Variants in USH2A observed in about 807,000 individuals in gnomAD.
The protein encoded by USH2A is Usher syndrome 2A (autosomal recessive, mild).
USH2A carries 443 observed loss-of-function variants against 538.9 expected under a neutral mutation model. That is an observed-to-expected ratio of 0.82 (90% CI 0.76 to 0.89). USH2A has a LOEUF of 0.89. Among genes scored for constraint, USH2A ranks in the 40% least tolerant of loss-of-function variants. The probability of loss-of-function intolerance (pLI) is 0.00; values close to 1 mark genes in which losing one functional copy is unlikely to be tolerated. For synonymous variants in USH2A, 2,413 were observed against 2,273.5 expected, an observed-to-expected ratio of 1.06 and a Z score of -1.75; for missense variants, 6,633 against 6,324.8, an observed-to-expected ratio of 1.05 and a Z score of -1.65.
Position 216,083,553 on chromosome 1 carries a change from C to T in USH2A, c.5201G>A (p.Gly1734Asp). 4.3e-6 allele frequency: 7 copies of T among 1,612,324 alleles called. No homozygotes were observed. The highest frequency in any genetic ancestry group is 2.2e-5 in the South Asian group (2 of 90,978). The change falls in exon 26 of 72, where the codon GGT (glycine) becomes GAT (aspartate). Residue 1734 changes from glycine (G) to aspartate (D), a missense_variant. Physicochemically the swap from Gly to Asp is moderately conservative, Grantham distance 94. Transcript: ENST00000307340. ...FLELHPYMFH[G>D]GMNFEISFKF... is the part of the protein sequence containing the mutation. ...AAAGGAAATCTCAAAGTTCATTCCA[C>T]CATGAAACATATATGGATGAAGTTC... is the stretch of plus-strand genomic sequence containing the variant.
chr1:216,038,161 G>C (rs190672653), intron 32 of USH2A, among the ~76,000 whole-genome samples: 329 of 152,010 alleles, frequency 2.2e-3, no homozygotes, highest in Non-Finnish European at 2.0e-3. Flanking sequence ...CTTGTTCCTT[G>C]TCCTTTAAGG....
chr1:215,732,691 G>A (rs562177687), intron 60 of USH2A, among the ~76,000 whole-genome samples: 1 of 151,070 alleles, frequency 6.6e-6, no homozygotes, highest in South Asian at 2.1e-4. Context: ...ACAGGTGCCT[G>A]CCACCATGCC....
Position 216,000,047 on chromosome 1 carries a change from G to C in USH2A, c.6485+356C>G, listed in dbSNP as rs147693293. On this transcript the variant is annotated intron_variant, in intron 33 of 71. Transcript: ENST00000307340. ...CTGACATCAACTGCAGGTAATAAGGGAATAAGAAGGTCCTGGACTATACTC... is the reference window on the plus strand; with the variant it reads ...CTGACATCAACTGCAGGTAATAAGGCAATAAGAAGGTCCTGGACTATACTC... 2.0e-4 allele frequency among the ~76,000 whole-genome samples: 31 copies of C among 152,134 alleles called. No homozygotes were observed. In the East Asian group the frequency reaches 5.8e-3, roughly 28 times the overall value.
intron 4 of USH2A, among the ~76,000 whole-genome samples, chr1:216,360,243 A>G (rs568441383): frequency 1.2e-4 from 19 of 152,256 alleles, no homozygotes; most frequent in Admixed American, 1.2e-3. Flanking sequence ...GATATGAACC[A>G]CCAAGCCATG....
At chr1:215,987,793 C>T (rs569850551) in intron 35 of USH2A, among the ~76,000 whole-genome samples, 28 of 152,264 alleles carry the variant, frequency 1.8e-4, no homozygotes, top group Admixed American at 6.5e-4. Flanking sequence ...AATGAGGTCA[C>T]GTTCCACTGA....
At chr1:216,394,778 G>A (rs1469441079) in intron 3 of USH2A, among the ~76,000 whole-genome samples, 2 of 146,880 alleles carry the variant, frequency 1.4e-5, no homozygotes, top group African/African-American at 5.0e-5. Flanking sequence ...GAGTGCAGTG[G>A]CGCGATCTCC....
intron 60 of USH2A, among the ~76,000 whole-genome samples, chr1:215,734,661 C>T (rs1660103487): frequency 6.6e-6 from 1 of 152,168 alleles, no homozygotes; most frequent in Non-Finnish European, 1.5e-5. Context: ...TTGAATGCTG[C>T]TTTGTTGCTT....
At chr1:215,780,158 G>T in intron 54 of USH2A, 117 bp from the exon 55 acceptor site, 1 of 1,125,616 alleles carries the variant, frequency 8.9e-7, no homozygotes, top group Non-Finnish European at 1.3e-6. Context: ...ATTAGCAGGG[G>T]CTTGGAGAAG....
intron 58 of USH2A, among the ~76,000 whole-genome samples, chr1:215,749,818 T>G (rs1398039899): frequency 6.6e-6 from 1 of 152,234 alleles, no homozygotes; most frequent in Non-Finnish European, 1.5e-5. Flanking sequence ...ACACATTTTC[T>G]TGTTCACTAA....
At chr1:215,698,523 G>A (rs1018226469) in intron 61 of USH2A, among the ~76,000 whole-genome samples, 6 of 152,162 alleles carry the variant, frequency 3.9e-5, no homozygotes, top group Non-Finnish European at 7.3e-5. Flanking sequence ...ATTCCAAGTG[G>A]TGTGAGATGG....
intron 51 of USH2A, 64 bp downstream of exon 51, chr1:215,789,995 A>G: frequency 1.3e-6 from 2 of 1,485,186 alleles, no homozygotes; most frequent in South Asian, 1.1e-5. Flanking sequence ...AAAAATAGTT[A>G]TGAACAATGT....
intron 21 of USH2A, among the ~76,000 whole-genome samples, chr1:216,105,354 C>A (rs2032705116): frequency 7.6e-6 from 1 of 131,664 alleles, no homozygotes; most frequent in African/African-American, 2.5e-5. Flanking sequence ...AGGGGTCAAG[C>A]TTTATTGTTT....
chr1:215,928,855 A>G (rs972811307), intron 38 of USH2A, among the ~76,000 whole-genome samples: 5 of 152,120 alleles, frequency 3.3e-5, no homozygotes, highest in African/African-American at 1.2e-4. Context: ...TAAATTCTAA[A>G]CAGAATGGAA....
intron 13 of USH2A, among the ~76,000 whole-genome samples, chr1:216,235,339 T>C (rs1391815863): frequency 6.6e-6 from 1 of 152,208 alleles, no homozygotes; most frequent in Non-Finnish European, 1.5e-5. Context: ...CCATGAATGA[T>C]TTTGTACCAC....
intron 38 of USH2A, among the ~76,000 whole-genome samples, chr1:215,929,345 G>A (rs1159696398): frequency 6.6e-6 from 1 of 152,046 alleles, no homozygotes; most frequent in East Asian, 1.9e-4. Context: ...TCATGGAGGA[G>A]GATGCTGAAG....
chr1:215,741,604 A>G lies in USH2A; in HGVS notation c.11549-67T>C. ...AAGGAAAAGAACTACATATTCATAC[A>G]GAAGGGTAATGATATCATGAAAATT... On this transcript the variant is annotated intron_variant, in intron 59 of 71. Coordinates refer to ENST00000307340, the MANE Select transcript of USH2A (RefSeq NM_206933.4). The G allele has an allele frequency of 4.5e-6, 7 of 1,557,278 alleles. No individual in the cohort carries two copies. The South Asian group carries it at 6.9e-5, about 15-fold the overall frequency.
Position 215,833,411 on chromosome 1 carries a change from A to G in USH2A, c.9371+4580T>C, listed in dbSNP as rs201076400. On this transcript the variant is annotated intron_variant, in intron 47 of 71. Transcript: ENST00000307340. ...TGGCCTACAAAACGTGTTTAAATTG[A>G]TTTTTGACAAAAATCTAAAAATATT... is the stretch of plus-strand genomic sequence containing the variant. 2.0e-5 allele frequency among the ~76,000 whole-genome samples: 3 copies of G among 151,982 alleles called. No individual in the cohort carries two copies. In the East Asian group the frequency reaches 5.8e-4, roughly 29 times the overall value.
intron 40 of USH2A, among the ~76,000 whole-genome samples, chr1:215,897,709 AAAAG>A (rs1478311440): frequency 1.6e-5 from 2 of 125,684 alleles, no homozygotes; most frequent in Non-Finnish European, 3.2e-5. Flanking sequence ...GGAAAGGAAG[AAAAG>A]AAAGAAAGAG....
chr1:216,248,990 A>T (rs1009932667), intron 12 of USH2A, among the ~76,000 whole-genome samples: 1 of 152,112 alleles, frequency 6.6e-6, no homozygotes, highest in African/African-American at 2.4e-5. Context: ...TGATAGAATC[A>T]TTAGTAAGAT....
Sources: gnomAD v4.1 joint callset for allele counts (sites outside exome capture counted in the v4.1 genomes callset) on GRCh38, gnomAD v4.1.1 for gene constraint, MANE v1.5 for transcripts, NCBI Gene and HGNC (gene_info 2026-07-23, HGNC 2026-07-21) for gene names.